The following PLA2G4E variants were observed in gnomAD, a reference collection of about 807,000 sequenced individuals.
PLA2G4E encodes phospholipase A2 group IVE.
In PLA2G4E, 84 loss-of-function variants were observed where a neutral mutation model predicts 109.1. The ratio of observed to expected loss-of-function variants is 0.77; its 90% CI spans 0.65 to 0.92. The LOEUF (loss-of-function observed/expected upper bound fraction) is 0.92, where lower values mean the gene tolerates loss of function less well. Among genes scored for constraint, PLA2G4E ranks in the 40% least tolerant of loss-of-function variants. The pLI, the probability that PLA2G4E is intolerant of heterozygous loss-of-function variation, is 0.00. For synonymous variants in PLA2G4E, 469 were observed against 436.1 expected, an observed-to-expected ratio of 1.08 and a Z score of -0.94; for missense variants, 1,057 against 1,076.6, an observed-to-expected ratio of 0.98 and a Z score of 0.25.
intron 13 of PLA2G4E, among the ~76,000 whole-genome samples, chr15:41,990,480 T>A (rs2068225712): frequency 6.6e-6 from 1 of 151,944 alleles, no homozygotes; most frequent in African/African-American, 2.4e-5. Context: ...TTTAGGACAG[T>A]CTCTCAGAGT....
exon 13 of PLA2G4E, chr15:41,992,839 G>A (rs775040387): frequency 1.2e-6 from 2 of 1,614,002 alleles, no homozygotes; most frequent in South Asian, 2.2e-5. Flanking sequence ...GGAATTTGCG[G>A]AGCTGGTCTG....
At chr15:41,983,780 G>A (rs376114853) in exon 20 of PLA2G4E, 120 of 1,599,848 alleles carry the variant, frequency 7.5e-5, no homozygotes, top group Non-Finnish European at 2.7e-5. Context: ...CCCTTCAGGC[G>A]CTTCTTCTTC....
intron 5 of PLA2G4E, 87 bp from the exon 6 acceptor site, chr15:42,002,783 A>G (rs1379956103): frequency 2.5e-6 from 3 of 1,200,376 alleles, no homozygotes; most frequent in South Asian, 1.3e-5. Flanking sequence ...AATAGGGTCA[A>G]TAACAAAATA....
intron 1 of PLA2G4E, among the ~76,000 whole-genome samples, chr15:42,034,106 A>T (rs1410724574): frequency 6.6e-6 from 1 of 152,202 alleles, no homozygotes; most frequent in Non-Finnish European, 1.5e-5. Context: ...CCAAAGACTC[A>T]TTTGAAAGTA....
At chr15:42,001,632 T>G (rs1022961046) in intron 6 of PLA2G4E, among the ~76,000 whole-genome samples, 1 of 152,110 alleles carries the variant, frequency 6.6e-6, no homozygotes, top group Non-Finnish European at 1.5e-5. Context: ...GAGGGAGAGG[T>G]CTCCTTGAAC....
At chr15:42,004,293 CGAAAGAAA>C (rs59107866) in intron 5 of PLA2G4E, among the ~76,000 whole-genome samples, 1 of 140,306 alleles carries the variant, frequency 7.1e-6, no homozygotes, top group Non-Finnish European at 1.5e-5. Flanking sequence ...CAGAGTGAGA[CGAAAGAAA>C]GAAAGAAAGG....
At chr15:41,993,740 A>G (rs1566837500) in intron 12 of PLA2G4E, among the ~76,000 whole-genome samples, 2 of 152,102 alleles carry the variant, frequency 1.3e-5, no homozygotes, top group Admixed American at 6.5e-5. Context: ...ACATTTAAGG[A>G]AACAGGGGCC....
chr15:41,990,088 C>T (rs1349331881), intron 14 of PLA2G4E, 33 bp downstream of exon 14: 4 of 1,581,994 alleles, frequency 2.5e-6, no homozygotes, highest in East Asian at 2.2e-5. Flanking sequence ...CCCCCCTCCA[C>T]CCCACTTGTA....
intron 2 of PLA2G4E, chr15:42,010,132 G>GCCCACCCCCCCCCCCCCCCCC: frequency 2.4e-6 from 1 of 417,170 alleles, no homozygotes; most frequent in Non-Finnish European, 4.7e-6. Flanking sequence ...CAGAACACTG[G>GCCCACCCCCCCCCCCCCCCCC]CCCCCCCACC....
intron 12 of PLA2G4E, among the ~76,000 whole-genome samples, chr15:41,995,028 G>A (rs114316172): frequency 6.6e-6 from 1 of 152,382 alleles, no homozygotes; most frequent in African/African-American, 2.4e-5. Flanking sequence ...ATGGGGTCAT[G>A]TTCCTGGGTC....
At chr15:42,036,824 G>T (rs750031555) in intron 1 of PLA2G4E, among the ~76,000 whole-genome samples, 40 of 152,194 alleles carry the variant, frequency 2.6e-4, no homozygotes, top group Non-Finnish European at 4.0e-4. Flanking sequence ...TGGGGCTGTG[G>T]GCCTGGGCCT....
chr15:41,987,266 G>T, exon 17 of PLA2G4E: 1 of 1,613,988 alleles, frequency 6.2e-7, no homozygotes, highest in Non-Finnish European at 8.5e-7. Context: ...AGGACCGATG[G>T]GTAAGGATTT....
At chr15:42,002,781 C>T (rs1229489927) in intron 5 of PLA2G4E, 85 bp from the exon 6 acceptor site, 5 of 1,240,196 alleles carry the variant, frequency 4.0e-6, no homozygotes, top group Non-Finnish European at 5.8e-6. Context: ...TAAATAGGGT[C>T]AATAACAAAA....
chr15:42,014,230 C>A (rs2068567022), intron 1 of PLA2G4E, among the ~76,000 whole-genome samples: 1 of 152,160 alleles, frequency 6.6e-6, no homozygotes, highest in African/African-American at 2.4e-5. Flanking sequence ...GGGTTTCTGT[C>A]TGCTCTTCAG....
chr15:41,992,230 C>T (rs1187860600), intron 13 of PLA2G4E, among the ~76,000 whole-genome samples: 1 of 152,134 alleles, frequency 6.6e-6, no homozygotes, highest in Non-Finnish European at 1.5e-5. Context: ...GGCTGCACTT[C>T]CTGTGACTGA....
intron 13 of PLA2G4E, among the ~76,000 whole-genome samples, chr15:41,992,015 C>T (rs1360930095): frequency 6.6e-6 from 1 of 152,222 alleles, no homozygotes; most frequent in Non-Finnish European, 1.5e-5. Flanking sequence ...GGTAGCAGCT[C>T]TCACAGCAGC....
Position 42,006,222 on chromosome 15 carries a change from G to A in PLA2G4E, c.394-101C>T. 15 of 1,459,902 alleles carry A rather than the reference G, an allele frequency of 1.0e-5. No individual in the cohort carries two copies. In the South Asian group the frequency reaches 1.7e-4, roughly 16 times the overall value. 90.4% of individuals were successfully genotyped at this position (1,459,902 alleles called of 1,614,324 possible). ...CTGTCCTAGCAAGGAGGTAGGTCTG[G>A]GGGATGGGAGACAGCCCAGAAGTCC... On this transcript the variant is annotated intron_variant, in intron 3 of 19. Coordinates refer to ENST00000399518, the Ensembl canonical transcript of PLA2G4E.
intron 12 of PLA2G4E, 144 bp downstream of exon 12, chr15:41,995,216 C>T: frequency 9.0e-7 from 1 of 1,115,296 alleles, no homozygotes; most frequent in Non-Finnish European, 1.3e-6. Context: ...ATGCCCAAGG[C>T]CACACCACTG....
At chr15:42,009,100 C>T (rs2141051652) in intron 2 of PLA2G4E, 1 of 152,282 alleles carries the variant, frequency 6.6e-6, no homozygotes, top group Non-Finnish European at 1.5e-5. Flanking sequence ...AGCCCTCCTC[C>T]TATTGAAGAA....
Sources: allele counts gnomAD v4.1 joint callset (sites outside exome capture counted in the v4.1 genomes callset), GRCh38; gene constraint gnomAD v4.1.1; transcripts MANE v1.5; gene names NCBI Gene and HGNC (gene_info 2026-07-23, HGNC 2026-07-21).